TBC1D7: variants seen among roughly 807,000 people sequenced by gnomAD.
The protein encoded by TBC1D7 is TBC1 domain family member 7.
Under a neutral mutation model 35.3 loss-of-function variants are expected in TBC1D7, and 33 were observed. The observed-to-expected ratio is 0.93, with a 90% CI of 0.71 to 1.25. The LOEUF (loss-of-function observed/expected upper bound fraction) is 1.25, where lower values mean the gene tolerates loss of function less well. TBC1D7 is among the 50% of genes most tolerant of loss of function. The pLI is 0.00. For synonymous variants in TBC1D7, 135 were observed against 129.5 expected (o/e 1.04, Z -0.29); for missense variants, 362 against 365.3 (o/e 0.99, Z 0.07).
At chr6:13,308,899 G>A (rs1052340813) in intron 5 of TBC1D7, among the ~76,000 whole-genome samples, 7 of 152,208 alleles carry the variant, frequency 4.6e-5, no homozygotes, top group Non-Finnish European at 1.0e-4. Flanking sequence ...AGCACAAGAT[G>A]TTGGGTACAT....
intron 5 of TBC1D7, among the ~76,000 whole-genome samples, chr6:13,314,406 C>T (rs1380264942): frequency 6.6e-6 from 1 of 152,082 alleles, no homozygotes; most frequent in East Asian, 1.9e-4. Context: ...ATGCATTCAC[C>T]ATTTATGTTA....
intron 1 of TBC1D7, 52 bp from the exon 2 acceptor site, chr6:13,326,958 G>T: frequency 9.6e-7 from 1 of 1,041,834 alleles, no homozygotes. Context: ...AAGGGGAAAA[G>T]TGAGTCTAGA....
chr6:13,321,039 G>A lies in TBC1D7; in HGVS notation c.250C>T (p.Gln84Ter), dbSNP rs768454027. The A allele has an allele frequency of 6.2e-7, 1 of 1,614,180 alleles. No homozygotes were observed. The highest frequency in any genetic ancestry group is 1.1e-5 in the South Asian group (1 of 91,082). ...AGGGCATGAAGGACATCCAAGTACT[G>A]CTCCTTACGATACATCATCACCTTG... ...HAKVMMYRKE[Q>*]YLDVLHALKV... The change falls in exon 4 of 8, where the codon CAG becomes TAG. Residue 84 changes from glutamine (Q) to a stop codon, truncating the protein, a stop_gained. Transcript: ENST00000379300. LOFTEE classifies it high-confidence loss of function.
At chr6:13,320,185 G>A (rs1349429931) in intron 4 of TBC1D7, 1 of 152,802 alleles carries the variant, frequency 6.5e-6, no homozygotes, top group Non-Finnish European at 1.5e-5. Flanking sequence ...CAAGTCAAAG[G>A]AGACTAAAGC....
chr6:13,325,516 G>T (rs973282576), intron 2 of TBC1D7, among the ~76,000 whole-genome samples: 1 of 152,044 alleles, frequency 6.6e-6, no homozygotes, highest in Non-Finnish European at 1.5e-5. Flanking sequence ...TACAAAAATT[G>T]GCTGGGTATG....
chr6:13,316,487 G>C, intron 5 of TBC1D7, 84 bp downstream of exon 5: 3 of 1,409,100 alleles, frequency 2.1e-6, no homozygotes. Context: ...AATTGCAGCA[G>C]CCCCAGGAGG....
chr6:13,325,591 A>T (rs1049187737), intron 2 of TBC1D7, among the ~76,000 whole-genome samples: 10 of 152,262 alleles, frequency 6.6e-5, no homozygotes, highest in African/African-American at 2.4e-4. Context: ...TGAACCCAGG[A>T]GGCAGAGGTT....
intron 7 of TBC1D7, chr6:13,305,776 T>C (rs1418859000): frequency 6.0e-6 from 1 of 166,372 alleles, no homozygotes; most frequent in African/African-American, 2.4e-5. Context: ...TTCATTACCA[T>C]TGCCTTTTTC....
At chr6:13,307,480 T>G in intron 6 of TBC1D7, 120 bp downstream of exon 6, 1 of 970,836 alleles carries the variant, frequency 1.0e-6, no homozygotes, top group Non-Finnish European at 1.6e-6. Context: ...GCTGGAGGAC[T>G]GAGCTTCAAA....
At chr6:13,313,784 T>G (rs746765032) in intron 5 of TBC1D7, among the ~76,000 whole-genome samples, 18 of 152,104 alleles carry the variant, frequency 1.2e-4, no homozygotes, top group Non-Finnish European at 2.6e-4. Context: ...AGATTTCACT[T>G]GTCTAGGTGG....
Position 13,320,902 on chromosome 6 carries a change from A to T in TBC1D7, c.381+6T>A, listed in dbSNP as rs748607830. 1.1e-5 allele frequency: 18 copies of T among 1,613,744 alleles called. No homozygotes were observed. Among genetic ancestry groups the T allele is most frequent in the Admixed American group, 8.3e-5 (5 of 60,012 alleles). On this transcript the variant is annotated splice_donor_region_variant and intron_variant, in intron 4 of 7. Transcript: ENST00000379300. ...AGCTTAGTGTCAGACAAAAGTGACC[A>T]CTAACCAGTGGAAAAGAGGGACTTC...
At chr6:13,314,905 G>T (rs555387850) in intron 5 of TBC1D7, among the ~76,000 whole-genome samples, 2 of 152,124 alleles carry the variant, frequency 1.3e-5, no homozygotes, top group Admixed American at 1.3e-4. Context: ...TAGAAAAAAA[G>T]AAAGTGGCAA....
At chr6:13,310,711 AGG>A (rs1278678094) in intron 5 of TBC1D7, among the ~76,000 whole-genome samples, 3 of 152,086 alleles carry the variant, frequency 2.0e-5, no homozygotes, top group Non-Finnish European at 4.4e-5. Context: ...ACAGGGAATA[AGG>A]AGTATCTCTG....
chr6:13,314,773 G>A (rs190518635), intron 5 of TBC1D7, among the ~76,000 whole-genome samples: 47 of 152,162 alleles, frequency 3.1e-4, no homozygotes, highest in African/African-American at 1.0e-3. Context: ...TCAGTGCCCC[G>A]CATCTCATCT....
chr6:13,315,753 A>AT (rs1491528539), intron 5 of TBC1D7, among the ~76,000 whole-genome samples: 1 of 152,216 alleles, frequency 6.6e-6, no homozygotes, highest in African/African-American at 2.4e-5. Flanking sequence ...TGTGTACAAA[A>AT]TATGTGTTAA....
rs145363483 is a variant in TBC1D7 at position 13,323,050 on chromosome 6, A to G, written c.194-1955T>C. ...AGTGCCTTGTCCTCAAAAAATAACT[A>G]TGACATGATAAAGAAAGGTGGGCCG... On this transcript the variant is annotated intron_variant, in intron 3 of 7. Coordinates refer to ENST00000379300, the MANE Select transcript of TBC1D7 (RefSeq NM_016495.6). 3.0e-3 allele frequency among the ~76,000 whole-genome samples: 454 copies of G among 152,232 alleles called. 2 individuals carry two copies. The highest frequency in any genetic ancestry group is 2.4e-3 in the Non-Finnish European group (162 of 68,012).
chr6:13,308,351 G>A (rs1205889529), intron 5 of TBC1D7, among the ~76,000 whole-genome samples: 2 of 152,186 alleles, frequency 1.3e-5, no homozygotes, highest in Non-Finnish European at 2.9e-5. Context: ...GATGTCCAGA[G>A]GGTGAACTCT....
At chr6:13,318,256 T>C (rs929466516) in intron 4 of TBC1D7, 1 of 152,240 alleles carries the variant, frequency 6.6e-6, no homozygotes, top group Non-Finnish European at 1.5e-5. Flanking sequence ...TATTCTGTTA[T>C]AAGCAATCAA....
chr6:13,327,027 T>C (rs1784447374), intron 1 of TBC1D7, 121 bp from the exon 2 acceptor site: 1 of 595,146 alleles, frequency 1.7e-6, no homozygotes, highest in African/African-American at 1.9e-5. Flanking sequence ...TTCAATATGA[T>C]GTACCCTTGC....
Sources: allele counts gnomAD v4.1 joint callset (sites outside exome capture counted in the v4.1 genomes callset), GRCh38; gene constraint gnomAD v4.1.1; transcripts MANE v1.5; gene names NCBI Gene and HGNC (gene_info 2026-07-23, HGNC 2026-07-21).